The following RSU1 variants were observed in gnomAD, a reference collection of about 807,000 sequenced individuals.
RSU1 encodes Ras suppressor protein 1.
In RSU1, 26 loss-of-function variants were observed where a neutral mutation model predicts 31.1. That is an observed-to-expected ratio of 0.84 (90% CI 0.61 to 1.16). The LOEUF (loss-of-function observed/expected upper bound fraction) is 1.16. Among genes scored for constraint, RSU1 ranks in the 50% most tolerant of loss-of-function variants. The pLI is 0.00. For synonymous variants in RSU1, 164 were observed against 136.3 expected (o/e 1.20, Z -1.41); for missense variants, 320 against 339.1 (o/e 0.94, Z 0.44).
At chr10:16,651,227 A>G (rs1241985615) in intron 8 of RSU1, among the ~76,000 whole-genome samples, 2 of 152,216 alleles carry the variant, frequency 1.3e-5, no homozygotes, top group East Asian at 3.9e-4. Context: ...GATTGAATCA[A>G]TGATATGAAG....
At chr10:16,782,886 G>T (rs1008824640) in intron 2 of RSU1, among the ~76,000 whole-genome samples, 3 of 150,786 alleles carry the variant, frequency 2.0e-5, no homozygotes, top group African/African-American at 7.3e-5. Context: ...ATATACACGT[G>T]TGTGTGTGTA....
chr10:16,670,617 C>G (rs991595331), intron 8 of RSU1, among the ~76,000 whole-genome samples: 2 of 152,174 alleles, frequency 1.3e-5, no homozygotes, highest in Admixed American at 6.5e-5. Context: ...ATAAGACATT[C>G]TCAATTAGAT....
chr10:16,782,619 C>T (rs78841602), intron 2 of RSU1, among the ~76,000 whole-genome samples: 27,349 of 152,098 alleles, frequency 0.18, 2,523 homozygotes, highest in Middle Eastern at 0.21. Flanking sequence ...GAGTTGAAAC[C>T]CTTCACAATT....
At chr10:16,791,635 C>CA (rs553951655) in intron 2 of RSU1, among the ~76,000 whole-genome samples, 1,668 of 98,418 alleles carry the variant, frequency 0.017, 14 homozygotes, top group South Asian at 0.033. Context: ...CTCAAAAAAA[C>CA]AAAAAAAAAA....
chr10:16,654,495 C>G (rs1178960448), intron 8 of RSU1, among the ~76,000 whole-genome samples: 1 of 149,996 alleles, frequency 6.7e-6, no homozygotes, highest in African/African-American at 2.5e-5. Flanking sequence ...CATGGTGAAA[C>G]CCTGTCTTTA....
chr10:16,787,430 C>T (rs539778536), intron 2 of RSU1, among the ~76,000 whole-genome samples: 11 of 152,252 alleles, frequency 7.2e-5, no homozygotes, highest in Admixed American at 2.0e-4. Flanking sequence ...CCAACCCGCA[C>T]GGCTGCTCCC....
At chr10:16,756,555 TC>T (rs1232337271) in intron 4 of RSU1, among the ~76,000 whole-genome samples, 2 of 152,244 alleles carry the variant, frequency 1.3e-5, no homozygotes, top group African/African-American at 4.8e-5. Context: ...CACTTTCTTT[TC>T]CTTACGACTT....
At chr10:16,620,057 T>C (rs1355885991) in intron 8 of RSU1, among the ~76,000 whole-genome samples, 1 of 152,204 alleles carries the variant, frequency 6.6e-6, no homozygotes, top group African/African-American at 2.4e-5. Flanking sequence ...TGTTTCATAA[T>C]TAACGTGAAC....
At chr10:16,607,550 G>A (rs1372758125) in intron 8 of RSU1, among the ~76,000 whole-genome samples, 1 of 152,134 alleles carries the variant, frequency 6.6e-6, no homozygotes, top group Non-Finnish European at 1.5e-5. Flanking sequence ...CTAAACAGGG[G>A]TGGTAACTAT....
intron 2 of RSU1, among the ~76,000 whole-genome samples, chr10:16,787,466 G>A (rs1459367817): frequency 6.6e-5 from 10 of 152,008 alleles, no homozygotes; most frequent in African/African-American, 1.4e-4. Flanking sequence ...ATGCTCCCCC[G>A]CAGGCCACCC....
intron 8 of RSU1, among the ~76,000 whole-genome samples, chr10:16,656,972 C>G (rs1055420868): frequency 1.3e-5 from 2 of 152,208 alleles, no homozygotes; most frequent in African/African-American, 2.4e-5. Context: ...AAGGAAAACA[C>G]TGTTCTCTTT....
chr10:16,730,491 G>C (rs201401950), intron 7 of RSU1, among the ~76,000 whole-genome samples: 4 of 152,238 alleles, frequency 2.6e-5, no homozygotes, highest in East Asian at 3.9e-4. Context: ...AGATGAGTGA[G>C]ACCATCCTAG....
At chr10:16,646,631 T>G (rs1054444937) in intron 8 of RSU1, among the ~76,000 whole-genome samples, 2 of 152,230 alleles carry the variant, frequency 1.3e-5, no homozygotes, top group African/African-American at 4.8e-5. Flanking sequence ...AGGCAGGGCC[T>G]CAAGCTCCTT....
chr10:16,704,959 C>T (rs78270280), intron 7 of RSU1, among the ~76,000 whole-genome samples: 1,916 of 151,940 alleles, frequency 0.013, 52 homozygotes, highest in African/African-American at 0.044. Context: ...ACCACTGTAC[C>T]ATCTGCCTCC....
At chr10:16,730,914 C>T (rs906491762) in intron 7 of RSU1, among the ~76,000 whole-genome samples, 21 of 152,176 alleles carry the variant, frequency 1.4e-4, no homozygotes, top group Admixed American at 3.9e-4. Context: ...ACCTCCGTCT[C>T]CTGGGTTCAA....
chr10:16,592,845 T>C lies in RSU1; in HGVS notation c.*549A>G, dbSNP rs1215711955. The C allele has an allele frequency of 6.6e-6, 1 of 152,222 alleles. No homozygotes were observed. The highest frequency in any genetic ancestry group is 1.5e-5 in the Non-Finnish European group (1 of 68,028). The allele number at this position is 152,222 out of a possible 1,614,324, so 9.4% of individuals were successfully genotyped here. A position where few individuals can be genotyped will look rare whatever the true frequency, so the allele number is the denominator to read the frequency against. On this transcript the variant is annotated 3_prime_UTR_variant, in exon 9 of 9. Coordinates refer to ENST00000345264, the MANE Select transcript of RSU1 (RefSeq NM_012425.4). ...ATAAGATGATTTTGGGGGAGAAAAG[T>C]AAATGAAAATGTGTTATACCCCAAG...
chr10:16,718,877 A>G (rs780916159), intron 7 of RSU1, among the ~76,000 whole-genome samples: 2 of 151,608 alleles, frequency 1.3e-5, no homozygotes, highest in Non-Finnish European at 2.9e-5. Flanking sequence ...GCTACTCGAA[A>G]GGCTGGGACA....
intron 8 of RSU1, among the ~76,000 whole-genome samples, chr10:16,679,338 A>C (rs1294512287): frequency 6.6e-6 from 1 of 152,208 alleles, no homozygotes. Context: ...ACTAAAATAC[A>C]GGTAGTATTC....
intron 2 of RSU1, among the ~76,000 whole-genome samples, chr10:16,815,663 G>A (rs1588555163): frequency 6.6e-6 from 1 of 152,184 alleles, no homozygotes; most frequent in African/African-American, 2.4e-5. Context: ...CAGCAGAGAA[G>A]AGAGACTTCT....
Sources: gnomAD v4.1 joint callset for allele counts (sites outside exome capture counted in the v4.1 genomes callset) on GRCh38, gnomAD v4.1.1 for gene constraint, MANE v1.5 for transcripts, NCBI Gene and HGNC (gene_info 2026-07-23, HGNC 2026-07-21) for gene names.